RARA: variants seen among roughly 807,000 people sequenced by gnomAD.
The protein encoded by RARA is PML-DDX5-RARA fusion.
Under a neutral mutation model 42.8 loss-of-function variants are expected in RARA, and 5 were observed. The observed-to-expected ratio is 0.12, with a 90% CI of 0.06 to 0.25. The LOEUF is 0.25. Among genes scored for constraint, RARA ranks in the 10% least tolerant of loss-of-function variants. RARA has a pLI of 1.00. For missense variants in RARA, 402 were observed against 628.7 expected (o/e 0.64, Z 3.86); for synonymous variants, 256 against 259.5 (o/e 0.99, Z 0.13).
At position 40,351,461 on chromosome 17, in the gene RARA, C is replaced by G; in HGVS notation, c.470-449C>G. On this transcript the variant is annotated intron_variant, in intron 4 of 8. Transcript: ENST00000254066. The surrounding 1 kb of genome is among the most constrained non-coding windows in gnomAD (Gnocchi z 4.1). ...CTCTCAGGCTGGGGAGCCCTACTCC[C>G]CACTTGCCCCAGGAGCTGCTCAGAG... is the stretch of plus-strand genomic sequence containing the variant. 1 of 472,566 alleles carries G rather than the reference C, an allele frequency of 2.1e-6. No individual in the cohort carries two copies. The highest frequency in any genetic ancestry group is 4.4e-6 in the Non-Finnish European group (1 of 228,136). 29.3% of individuals were successfully genotyped at this position (472,566 alleles called of 1,614,324 possible).
chr17:40,323,557 C>T (rs1184049613), intron 1 of RARA, among the ~76,000 whole-genome samples: 4 of 151,812 alleles, frequency 2.6e-5, no homozygotes, highest in South Asian at 4.1e-4. Flanking sequence ...AGCCTGCACC[C>T]GCTTCTCCCT....
At chr17:40,335,721 G>T (rs531001869) in intron 2 of RARA, among the ~76,000 whole-genome samples, 8 of 150,600 alleles carry the variant, frequency 5.3e-5, no homozygotes, top group Non-Finnish European at 8.9e-5. Context: ...TAAAACTTAA[G>T]ACACTGGCTG....
intron 2 of RARA, among the ~76,000 whole-genome samples, chr17:40,346,642 G>A (rs528253660): frequency 3.9e-4 from 53 of 134,510 alleles, no homozygotes; most frequent in African/African-American, 1.2e-3. Flanking sequence ...CCCCAACCCC[G>A]CCCCCCCAGC....
intron 2 of RARA, among the ~76,000 whole-genome samples, chr17:40,344,017 G>T (rs1441380313): frequency 3.9e-5 from 6 of 151,962 alleles, no homozygotes; most frequent in Admixed American, 3.9e-4. Context: ...TTTGCTGGAG[G>T]GGAAGCTCTT....
rs1567769381 is a variant in RARA, at chr17:40,357,008, C to A, written c.*782C>A. 6 of 388,102 alleles carry A rather than the reference C, an allele frequency of 1.5e-5. No homozygotes were observed. The highest frequency in any genetic ancestry group is 2.9e-5 in the Non-Finnish European group (6 of 208,784). 24.0% of individuals were successfully genotyped at this position (388,102 alleles called of 1,614,324 possible). A position where few individuals can be genotyped will look rare whatever the true frequency, so the allele number is the denominator to read the frequency against. ...TCCAAGGCCTGCCTTCCCCTCCCTC[C>A]CACTGGAGAAGCCGCCAGCCCCTTT... On this transcript the variant is annotated 3_prime_UTR_variant, in exon 9 of 9. Transcript: ENST00000254066.
chr17:40,319,163 C>G (rs968984710), intron 1 of RARA, among the ~76,000 whole-genome samples: 1 of 152,122 alleles, frequency 6.6e-6, no homozygotes, highest in Non-Finnish European at 1.5e-5. Flanking sequence ...TGTGTGTGAG[C>G]CTGTTGTGGG....
chr17:40,332,615 GCCT>G (rs1273389416), intron 2 of RARA, among the ~76,000 whole-genome samples: 1 of 152,216 alleles, frequency 6.6e-6, no homozygotes, highest in African/African-American at 2.4e-5. Context: ...TTCCTGGATC[GCCT>G]CCTCTGGCTT....
rs550527347 is a variant in RARA, at chr17:40,333,218, T to G, written c.178+1822T>G. On this transcript the variant is annotated intron_variant, in intron 2 of 8. Coordinates refer to ENST00000254066, the MANE Select transcript of RARA (RefSeq NM_000964.4). ...GCGTACGCCACCATGCCCGGCTACT[T>G]TTGGTATTTTTAGTAGAGACGGGAT... Among the ~76,000 whole-genome samples, 9 of 152,242 alleles carry G rather than the reference T, an allele frequency of 5.9e-5. No individual in the cohort carries two copies. The South Asian group carries it at 1.9e-3, about 32-fold the overall frequency.
In RARA at chr17:40,355,265, C is replaced by T. The variant is rs1416311365; in HGVS notation, c.1015C>T (p.Arg339Cys). ...LSAICLICGD[R>C]QDLEQPDRVD... ...AGGGGGTGGTTCTGCTTCCTCAGAC[C>T]GCCAGGACCTGGAGCAGCCGGACCG... The change falls in exon 8 of 9, where the codon CGC becomes TGC. Residue 339 changes from arginine to cysteine, a missense_variant and splice_region_variant. Physicochemically the swap from Arg to Cys is radical, Grantham distance 180 (BLOSUM62 -3). This residue lies in a region of RARA where 104 missense variants were observed against 160.1 expected (regional missense o/e 0.65). Coordinates refer to ENST00000254066, the MANE Select transcript of RARA (RefSeq NM_000964.4). The surrounding 1 kb of genome is among the most constrained non-coding windows in gnomAD (Gnocchi z 4.1). The T allele has an allele frequency of 1.3e-6, 2 of 1,570,262 alleles. No homozygotes were observed. The highest frequency in any genetic ancestry group is 1.7e-6 in the Non-Finnish European group (2 of 1,157,012).
intron 2 of RARA, among the ~76,000 whole-genome samples, chr17:40,335,374 G>C (rs935515075): frequency 1.3e-5 from 2 of 152,046 alleles, no homozygotes; most frequent in African/African-American, 4.8e-5. Flanking sequence ...CTGTGGAGTA[G>C]GCATTTAGTG....
rs878906748 is a variant in RARA at position 40,348,352 on chromosome 17, T to C, written c.215T>C (p.Val72Ala). Residue 72 changes from valine to alanine, a missense_variant, in exon 3 of 9, where the codon GTG becomes GCG. Around this residue, in one of 5 missense-constraint regions of RARA, gnomAD observed 91 missense variants for 105.2 expected, o/e 0.87. Transcript: ENST00000254066. ...CAGAGCAGCAGTTCTGAAGAGATAG[T>C]GCCCAGCCCTCCCTCGCCACCCCCT... ...ETQSSSSEEI[V>A]PSPPSPPPLP... 6.2e-7 allele frequency: 1 copy of C among 1,611,602 alleles called. No individual in the cohort carries two copies. Among genetic ancestry groups the C allele is most frequent in the South Asian group, 1.1e-5 (1 of 90,736 alleles).
At position 40,356,250 on chromosome 17, in the gene RARA, C is replaced by A. The variant is rs773450052; in HGVS notation, c.*24C>A. 6 of 1,543,740 alleles carry A rather than the reference C, an allele frequency of 3.9e-6. No homozygotes were observed. The African/African-American group carries it at 4.1e-5, about 11-fold the overall frequency. On this transcript the variant is annotated 3_prime_UTR_variant, in exon 9 of 9. Transcript: ENST00000254066. Reference sequence around the variant, plus strand: ...GACCGCCCACGCCACATGGACACAGCCCTCGCCCTCCGCCCCGGCTTTTCT... The same window carrying A: ...GACCGCCCACGCCACATGGACACAGACCTCGCCCTCCGCCCCGGCTTTTCT...
chr17:40,351,798 C>T lies in RARA; in HGVS notation c.470-112C>T, dbSNP rs2034461374. ...CGTGAACGCGTGCTGTGTGCGCGTGCTTACAAGCCTGGGTGACCTCCTCAG... is the reference window on the plus strand; with the variant it reads ...CGTGAACGCGTGCTGTGTGCGCGTGTTTACAAGCCTGGGTGACCTCCTCAG... On this transcript the variant is annotated intron_variant, in intron 4 of 8. Transcript: ENST00000254066. The surrounding 1 kb of genome is among the most constrained non-coding windows in gnomAD (Gnocchi z 4.1). The T allele has an allele frequency of 7.1e-7, 1 of 1,416,350 alleles. No individual in the cohort carries two copies. The highest frequency in any genetic ancestry group is 2.4e-5 in the East Asian group (1 of 40,898). 87.7% of individuals were successfully genotyped at this position (1,416,350 alleles called of 1,614,324 possible). A position where few individuals can be genotyped will look rare whatever the true frequency, so the allele number is the denominator to read the frequency against.
At chr17:40,318,934 A>T (rs1213173519) in intron 1 of RARA, among the ~76,000 whole-genome samples, 1 of 152,196 alleles carries the variant, frequency 6.6e-6, no homozygotes, top group African/African-American at 2.4e-5. Flanking sequence ...GGGCCGGTTC[A>T]GCTGGTGTCC....
intron 2 of RARA, among the ~76,000 whole-genome samples, chr17:40,343,885 G>A (rs376829199): frequency 2.0e-5 from 3 of 152,182 alleles, no homozygotes; most frequent in Non-Finnish European, 4.4e-5. Context: ...GGAGCACCAG[G>A]GTGTACACCT....
chr17:40,322,658 G>T (rs929534085), intron 1 of RARA, among the ~76,000 whole-genome samples: 1 of 152,044 alleles, frequency 6.6e-6, no homozygotes, highest in Admixed American at 6.5e-5. Context: ...CCCAGGAATC[G>T]AGACTTGAGA....
intron 1 of RARA, among the ~76,000 whole-genome samples, chr17:40,310,030 T>C (rs1000135904): frequency 7.2e-5 from 11 of 152,132 alleles, no homozygotes; most frequent in African/African-American, 1.7e-4. Flanking sequence ...GATACCAGAG[T>C]GTGGCCCAGG....
intron 2 of RARA, chr17:40,341,651 CGAGTTCAGCGA>C: frequency 7.4e-7 from 1 of 1,344,062 alleles, no homozygotes; most frequent in Non-Finnish European, 9.5e-7. Flanking sequence ...CGCCGCCAGG[CGAGTTCAGCGA>C]GAGTTCAGCC....
intron 1 of RARA, among the ~76,000 whole-genome samples, chr17:40,329,909 T>C (rs1438169186): frequency 6.6e-6 from 1 of 152,242 alleles, no homozygotes; most frequent in African/African-American, 2.4e-5. Flanking sequence ...CGTATGGATA[T>C]GTTCTTCGTG....
Sources: gnomAD v4.1 joint callset for allele counts (sites outside exome capture counted in the v4.1 genomes callset) on GRCh38, gnomAD v4.1.1 for gene constraint, gnomAD v4.1.1 regional missense constraint, Gnocchi (gnomAD v3.1) non-coding constraint, MANE v1.5 for transcripts, NCBI Gene and HGNC (gene_info 2026-07-23, HGNC 2026-07-21) for gene names.